Variants in GOT1 observed in about 807,000 individuals in gnomAD.
GOT1 encodes the protein aspartate aminotransferase, cytoplasmic.
Under a neutral mutation model 48.2 loss-of-function variants are expected in GOT1, and 25 were observed. The ratio of observed to expected loss-of-function variants is 0.52; its 90% CI spans 0.38 to 0.72. The LOEUF is 0.72. Ranked by LOEUF, GOT1 falls within the 30% of genes least tolerant of loss-of-function variation. GOT1 has a pLI of 0.00. For synonymous variants in GOT1, 188 were observed against 193.8 expected, an observed-to-expected ratio of 0.97 and a Z score of 0.25; for missense variants, 380 against 520.1, an observed-to-expected ratio of 0.73 and a Z score of 2.62.
At chr10:99,429,666 A>G (rs1271351249) in intron 1 of GOT1, among the ~76,000 whole-genome samples, 1 of 152,204 alleles carries the variant, frequency 6.6e-6, no homozygotes, top group Non-Finnish European at 1.5e-5. Flanking sequence ...AAAATTTGAG[A>G]GGCACTCCAA....
chr10:99,420,852 C>T (rs2032956825), intron 1 of GOT1, 47 bp from the exon 2 acceptor site: 1 of 1,460,246 alleles, frequency 6.8e-7, no homozygotes, highest in East Asian at 2.3e-5. Flanking sequence ...CATGCTGTGT[C>T]CAAGTTAAGA....
chr10:99,398,670 C>CAA (rs199689809), intron 8 of GOT1, among the ~76,000 whole-genome samples: 20 of 134,830 alleles, frequency 1.5e-4, no homozygotes, highest in Admixed American at 2.9e-4. Flanking sequence ...GACTCTGTCT[C>CAA]AAAAAAAAAA....
rs532815687 is a variant in GOT1 at position 99,430,400 on chromosome 10, C to G, written c.118+48G>C. On this transcript the variant is annotated intron_variant, in intron 1 of 8. Coordinates refer to ENST00000370508, the MANE Select transcript of GOT1 (RefSeq NM_002079.3). ...ACAGTCTCCACGACCTGGGTTGGGT[C>G]CGCTCCACTCCCCGAGCTGCTCACA... 8 of 1,602,360 alleles carry G rather than the reference C, an allele frequency of 5.0e-6. 1 individual carries two copies. In the South Asian group the frequency reaches 7.8e-5, roughly 16 times the overall value.
At chr10:99,412,088 G>A (rs547748789) in intron 2 of GOT1, among the ~76,000 whole-genome samples, 6 of 152,222 alleles carry the variant, frequency 3.9e-5, no homozygotes, top group African/African-American at 1.2e-4. Flanking sequence ...GGTGGGGACT[G>A]GACAGCTAGA....
intron 2 of GOT1, 77 bp from the exon 3 acceptor site, chr10:99,406,926 G>T: frequency 7.2e-7 from 1 of 1,379,488 alleles, no homozygotes. Flanking sequence ...GTAATAATGA[G>T]CACTTACTCT....
chr10:99,422,717 G>A (rs2032986676), intron 1 of GOT1, among the ~76,000 whole-genome samples: 2 of 152,110 alleles, frequency 1.3e-5, no homozygotes, highest in Admixed American at 6.5e-5. Context: ...AGCAAACACA[G>A]CTTCTTACAT....
intron 8 of GOT1, among the ~76,000 whole-genome samples, chr10:99,401,591 C>T (rs1452810729): frequency 2.0e-5 from 3 of 151,338 alleles, no homozygotes; most frequent in African/African-American, 4.9e-5. Context: ...AACCTGAAGC[C>T]GGGAGGCGGA....
chr10:99,409,749 T>C (rs1277861313), intron 2 of GOT1, among the ~76,000 whole-genome samples: 1 of 152,058 alleles, frequency 6.6e-6, no homozygotes, highest in African/African-American at 2.4e-5. Context: ...CTGAGATAAA[T>C]GCTTAGTAAA....
At chr10:99,427,999 C>T (rs1028533115) in intron 1 of GOT1, among the ~76,000 whole-genome samples, 1 of 152,206 alleles carries the variant, frequency 6.6e-6, no homozygotes, top group African/African-American at 2.4e-5. Context: ...GACAAAGGCA[C>T]CTTCACAGCT....
chr10:99,421,713 A>C (rs1025227697), intron 1 of GOT1, among the ~76,000 whole-genome samples: 2 of 152,182 alleles, frequency 1.3e-5, no homozygotes, highest in Admixed American at 1.3e-4. Flanking sequence ...TAATCTGTCC[A>C]AGTAGGATTC....
intron 8 of GOT1, among the ~76,000 whole-genome samples, chr10:99,400,131 C>T (rs981051182): frequency 6.6e-6 from 1 of 152,236 alleles, no homozygotes; most frequent in Non-Finnish European, 1.5e-5. Context: ...GTTATGGACT[C>T]TTTCCCTAGA....
chr10:99,429,799 C>T (rs1217308709), intron 1 of GOT1, among the ~76,000 whole-genome samples: 2 of 152,174 alleles, frequency 1.3e-5, no homozygotes, highest in South Asian at 4.1e-4. Flanking sequence ...TTCTACCATC[C>T]ATACTTCTCT....
chr10:99,413,322 C>G (rs544050467), intron 2 of GOT1, among the ~76,000 whole-genome samples: 2 of 152,222 alleles, frequency 1.3e-5, no homozygotes, highest in East Asian at 3.9e-4. Flanking sequence ...ATTCGATCAA[C>G]TGGAAGAAAG....
At position 99,410,067 on chromosome 10, in the gene GOT1, T is replaced by C. The variant is rs1230071367; in HGVS notation, c.301-3218A>G. Among the ~76,000 whole-genome samples the C allele has an allele frequency of 2.0e-5, 3 of 152,352 alleles. No individual in the cohort carries two copies. In the East Asian group the frequency reaches 5.8e-4, roughly 29 times the overall value. On this transcript the variant is annotated intron_variant, in intron 2 of 8. Coordinates refer to ENST00000370508, the MANE Select transcript of GOT1 (RefSeq NM_002079.3). ...TGCACTGGGGTGAAAATGCTCAGTG[T>C]GTGTCAGATTTGGTGTGCTAACTAC...
chr10:99,400,063 T>C (rs2032651257), intron 8 of GOT1, among the ~76,000 whole-genome samples: 1 of 152,174 alleles, frequency 6.6e-6, no homozygotes, highest in Non-Finnish European at 1.5e-5. Context: ...TTAGTAAAAA[T>C]GAGGCCTTTC....
chr10:99,420,284 A>G (rs1468460228), intron 2 of GOT1: 4 of 219,110 alleles, frequency 1.8e-5, no homozygotes, highest in Admixed American at 1.0e-4. Flanking sequence ...AGAGGGCTAA[A>G]TGACTTGCCT....
chr10:99,423,496 C>A (rs767186201), intron 1 of GOT1, among the ~76,000 whole-genome samples: 1 of 152,134 alleles, frequency 6.6e-6, no homozygotes, highest in African/African-American at 2.4e-5. Flanking sequence ...ATGTCATCTG[C>A]AAATCTGAGA....
intron 1 of GOT1, among the ~76,000 whole-genome samples, chr10:99,427,413 C>T (rs962946578): frequency 1.3e-5 from 2 of 152,166 alleles, no homozygotes; most frequent in Non-Finnish European, 2.9e-5. Context: ...GGACTGCAGG[C>T]GCCCGCCACC....
In GOT1 at chr10:99,405,869, A is replaced by G. The variant is rs2032748548; in HGVS notation, c.538-9T>C. ...GAGAACTCAGGAGCATTCTGAGGAG[A>G]AGGAAGCTATGTCAGCTCTGACACT... On this transcript the variant is annotated splice_polypyrimidine_tract_variant and intron_variant, in intron 4 of 8. Coordinates refer to ENST00000370508, the MANE Select transcript of GOT1 (RefSeq NM_002079.3). The G allele has an allele frequency of 5.4e-6, 8 of 1,485,622 alleles. No individual in the cohort carries two copies. The East Asian group carries it at 1.8e-4, about 34-fold the overall frequency. The allele number at this position is 1,485,622 out of a possible 1,614,324, so 92.0% of individuals were successfully genotyped here. A position where few individuals can be genotyped will look rare whatever the true frequency, so the allele number is the denominator to read the frequency against.
Sources: allele counts gnomAD v4.1 joint callset (sites outside exome capture counted in the v4.1 genomes callset), GRCh38; gene constraint gnomAD v4.1.1; transcripts MANE v1.5; gene names NCBI Gene and HGNC (gene_info 2026-07-23, HGNC 2026-07-21).